The following WNT7B variants were observed in gnomAD, a reference collection of about 807,000 sequenced individuals.
WNT7B encodes the protein protein Wnt-7b.
Under a neutral mutation model 38.2 loss-of-function variants are expected in WNT7B, and 19 were observed. The ratio of observed to expected loss-of-function variants is 0.50; its 90% CI spans 0.35 to 0.73. The LOEUF (loss-of-function observed/expected upper bound fraction) is 0.73, where lower values mean the gene tolerates loss of function less well. WNT7B is among the 30% of genes least tolerant of loss of function. WNT7B has a pLI of 0.01. For missense variants in WNT7B, 423 were observed against 507.9 expected, an observed-to-expected ratio of 0.83 and a Z score of 1.61; for synonymous variants, 243 against 209.3, an observed-to-expected ratio of 1.16 and a Z score of -1.39.
chr22:45,971,016 G>C (rs1932424101), intron 1 of WNT7B, among the ~76,000 whole-genome samples: 1 of 152,226 alleles, frequency 6.6e-6, no homozygotes, highest in Non-Finnish European at 1.5e-5. Flanking sequence ...GCGAACTTTT[G>C]TTTCAAGATG....
chr22:45,973,137 C>T (rs1169116253), intron 1 of WNT7B, among the ~76,000 whole-genome samples: 1 of 152,248 alleles, frequency 6.6e-6, no homozygotes, highest in Admixed American at 6.5e-5. Flanking sequence ...AGAGGCTTCC[C>T]CACTCTGGCT....
intron 2 of WNT7B, among the ~76,000 whole-genome samples, chr22:45,939,815 G>A (rs1931602418): frequency 6.6e-6 from 1 of 152,168 alleles, no homozygotes; most frequent in Non-Finnish European, 1.5e-5. Flanking sequence ...AACAAAGTGA[G>A]ACCCTATCTC....
At position 45,920,403 on chromosome 22, in the gene WNT7B, C is replaced by G. The variant is rs1273058355; in HGVS notation, c.*2453G>C. On this transcript the variant is annotated 3_prime_UTR_variant, in exon 4 of 4. Coordinates refer to ENST00000339464, the MANE Select transcript of WNT7B (RefSeq NM_058238.3). Reference sequence around the variant, plus strand: ...AGCTTTTATTGGGCCGAGCACTCCCCTCCAGGGGAGGCTGCCGTCAGAAGG... The same window carrying G: ...AGCTTTTATTGGGCCGAGCACTCCCGTCCAGGGGAGGCTGCCGTCAGAAGG... 6.6e-6 allele frequency: 1 copy of G among 152,166 alleles called. No individual in the cohort carries two copies. The highest frequency in any genetic ancestry group is 1.5e-5 in the Non-Finnish European group (1 of 68,068). The allele number at this position is 152,166 out of a possible 1,614,324, so 9.4% of individuals were successfully genotyped here.
At chr22:45,970,466 CT>C (rs1433753135) in intron 1 of WNT7B, among the ~76,000 whole-genome samples, 1 of 152,118 alleles carries the variant, frequency 6.6e-6, no homozygotes, top group Non-Finnish European at 1.5e-5. Flanking sequence ...TCACTGCTGC[CT>C]TGGCATCAAC....
At chr22:45,936,107 G>A (rs926278578) in intron 2 of WNT7B, 2 of 985,310 alleles carry the variant, frequency 2.0e-6, no homozygotes, top group African/African-American at 1.7e-5. Flanking sequence ...AAGAGCACTG[G>A]GTGGGTTTCT....
At chr22:45,958,539 TC>T (rs1932123548) in intron 1 of WNT7B, among the ~76,000 whole-genome samples, 1 of 152,084 alleles carries the variant, frequency 6.6e-6, no homozygotes, top group Admixed American at 6.5e-5. Context: ...GGCCTCAGAG[TC>T]CCCTCATGGT....
intron 1 of WNT7B, among the ~76,000 whole-genome samples, chr22:45,956,951 C>A (rs1249215888): frequency 1.3e-5 from 2 of 152,074 alleles, no homozygotes; most frequent in Admixed American, 6.5e-5. Flanking sequence ...ACTAAAAATA[C>A]AAAAATTAGC....
At chr22:45,958,441 C>T (rs1932121483) in intron 1 of WNT7B, among the ~76,000 whole-genome samples, 1 of 152,200 alleles carries the variant, frequency 6.6e-6, no homozygotes, top group Non-Finnish European at 1.5e-5. Flanking sequence ...AAAGCCTCCC[C>T]CAGCAGGTAG....
intron 3 of WNT7B, among the ~76,000 whole-genome samples, chr22:45,924,692 C>A (rs1289569923): frequency 6.6e-6 from 1 of 150,448 alleles, no homozygotes; most frequent in Non-Finnish European, 1.5e-5. Context: ...GCTGGGGGTC[C>A]CAAAGGCTCA....
At chr22:45,949,663 C>G (rs1601730414) in intron 2 of WNT7B, among the ~76,000 whole-genome samples, 1 of 152,256 alleles carries the variant, frequency 6.6e-6, no homozygotes, top group African/African-American at 2.4e-5. Context: ...GGCCACGTCA[C>G]GACGATGTCC....
chr22:45,930,374 G>A (rs914358629), intron 3 of WNT7B, among the ~76,000 whole-genome samples: 1 of 152,242 alleles, frequency 6.6e-6, no homozygotes, highest in Non-Finnish European at 1.5e-5. Context: ...GCTGCCCTGG[G>A]TGCAGCCCCC....
chr22:45,973,615 G>A (rs989741327), intron 1 of WNT7B, among the ~76,000 whole-genome samples: 2 of 152,210 alleles, frequency 1.3e-5, no homozygotes, highest in Non-Finnish European at 2.9e-5. Flanking sequence ...GACTCCAGAC[G>A]GGCTCCTCTG....
intron 3 of WNT7B, among the ~76,000 whole-genome samples, chr22:45,930,331 T>A (rs1321873388): frequency 6.6e-6 from 1 of 152,234 alleles, no homozygotes; most frequent in Non-Finnish European, 1.5e-5. Context: ...GAACGGCAAG[T>A]CTGTCCCACA....
intron 3 of WNT7B, among the ~76,000 whole-genome samples, chr22:45,923,632 G>T (rs1377713855): frequency 6.6e-6 from 1 of 152,226 alleles, no homozygotes; most frequent in Non-Finnish European, 1.5e-5. Context: ...AGCCCTTCAA[G>T]GAGATGCTAT....
At chr22:45,925,806 G>T (rs1431100024) in intron 3 of WNT7B, 1 of 985,256 alleles carries the variant, frequency 1.0e-6, no homozygotes, top group African/African-American at 1.7e-5. Context: ...ACCCCACCCC[G>T]GGCTGCTCAC....
rs1187636745 is a variant in WNT7B, at chr22:45,920,580, G to A, written c.*2276C>T. On this transcript the variant is annotated 3_prime_UTR_variant, in exon 4 of 4. Coordinates refer to ENST00000339464, the MANE Select transcript of WNT7B (RefSeq NM_058238.3). ...GCCAAGGGACAGTGCGAGTGTCTCGGTGGCATCAGGGGCCCCAAGGGTCTG... is the reference window on the plus strand; with the variant it reads ...GCCAAGGGACAGTGCGAGTGTCTCGATGGCATCAGGGGCCCCAAGGGTCTG... 2.0e-5 allele frequency: 3 copies of A among 150,808 alleles called. No individual in the cohort carries two copies. The highest frequency in any genetic ancestry group is 3.0e-5 in the Non-Finnish European group (2 of 67,678). 9.3% of individuals were successfully genotyped at this position (150,808 alleles called of 1,614,324 possible).
chr22:45,931,056 C>T (rs375909400), intron 3 of WNT7B, 42 bp downstream of exon 3: 53 of 1,524,182 alleles, frequency 3.5e-5, no homozygotes, highest in South Asian at 1.1e-4. Context: ...GGTGATACAG[C>T]GGTCCCAGCT....
intron 1 of WNT7B, among the ~76,000 whole-genome samples, chr22:45,952,358 C>A (rs1340999334): frequency 6.6e-6 from 1 of 152,320 alleles, no homozygotes; most frequent in African/African-American, 2.4e-5. Flanking sequence ...CCCCGAGGCC[C>A]GCCCGGCCCG....
At chr22:45,923,410 C>G in intron 3 of WNT7B, 75 bp from the exon 4 acceptor site, 2 of 1,516,850 alleles carry the variant, frequency 1.3e-6, no homozygotes, top group East Asian at 4.6e-5. Context: ...ACCCCTGCCT[C>G]TAGCCCAGCC....
Sources: gnomAD v4.1 joint callset for allele counts (sites outside exome capture counted in the v4.1 genomes callset) on GRCh38, gnomAD v4.1.1 for gene constraint, MANE v1.5 for transcripts, NCBI Gene and HGNC (gene_info 2026-07-23, HGNC 2026-07-21) for gene names.